ARHGEF6: variants seen among roughly 807,000 people sequenced by gnomAD.
ARHGEF6 encodes rho guanine nucleotide exchange factor 6.
ARHGEF6 carries 9 observed loss-of-function variants against 70.3 expected under a neutral mutation model. That is an observed-to-expected ratio of 0.13 (90% CI 0.08 to 0.22). The LOEUF (loss-of-function observed/expected upper bound fraction) is 0.22, where lower values mean the gene tolerates loss of function less well. ARHGEF6 is among the 10% of genes least tolerant of loss of function. ARHGEF6 has a pLI of 1.00. For missense variants in ARHGEF6, 470 were observed against 563.0 expected (o/e 0.83, Z 1.67); for synonymous variants, 201 against 207.8 (o/e 0.97, Z 0.28).
chrX:136,688,556 G>A (rs896584935), intron 10 of ARHGEF6, among the ~76,000 whole-genome samples: 8 of 110,336 alleles, frequency 7.3e-5, no homozygotes, highest in African/African-American at 2.6e-4. Flanking sequence ...CTACTTGGGA[G>A]GCTGAGCTGA....
intron 9 of ARHGEF6, among the ~76,000 whole-genome samples, chrX:136,705,871 C>A (rs2076621779): frequency 8.9e-6 from 1 of 112,379 alleles, no homozygotes; most frequent in Admixed American, 9.4e-5. Flanking sequence ...AGGACAAGAA[C>A]CAAAATTTCT....
At chrX:136,751,200 A>T (rs1482509577) in intron 2 of ARHGEF6, among the ~76,000 whole-genome samples, 1 of 111,897 alleles carries the variant, frequency 8.9e-6, no homozygotes, top group Non-Finnish European at 1.9e-5. Flanking sequence ...AATGACAGCA[A>T]AACCTATTTG....
At chrX:136,767,362 C>G (rs1203011591) in intron 2 of ARHGEF6, 1 of 755,106 alleles carries the variant, frequency 1.3e-6, no homozygotes, top group Non-Finnish European at 1.6e-6. Context: ...GGGCTAGGCT[C>G]GCCCCAGCGG....
chrX:136,671,988 A>G, intron 20 of ARHGEF6, 32 bp downstream of exon 20: 1 of 1,145,008 alleles, frequency 8.7e-7, no homozygotes, highest in Non-Finnish European at 1.2e-6. Context: ...GCCCCAAGAG[A>G]AACTAGGCAA....
At chrX:136,718,554 T>C (rs1320583541) in intron 6 of ARHGEF6, among the ~76,000 whole-genome samples, 1 of 111,966 alleles carries the variant, frequency 8.9e-6, no homozygotes, top group Non-Finnish European at 1.9e-5. Flanking sequence ...TCTGAAAGTA[T>C]ATTGATATAT....
intron 9 of ARHGEF6, among the ~76,000 whole-genome samples, chrX:136,694,910 C>T (rs1406858033): frequency 8.9e-6 from 1 of 111,787 alleles, no homozygotes; most frequent in Non-Finnish European, 1.9e-5. Context: ...GCATTTTTAA[C>T]AAGACAGCTG....
intron 3 of ARHGEF6, among the ~76,000 whole-genome samples, chrX:136,746,344 G>A (rs765446146): frequency 5.4e-5 from 6 of 112,113 alleles, no homozygotes; most frequent in Admixed American, 9.5e-5. Flanking sequence ...TCAGCTATAC[G>A]CCTTGCAATA....
rs755461298 is a variant in ARHGEF6 at position 136,714,577 on chromosome X, A to G, written c.733-1207T>C. Among the ~76,000 whole-genome samples the G allele has an allele frequency of 5.4e-5, 6 of 112,107 alleles. No homozygotes were observed. The East Asian group carries it at 1.7e-3, about 31-fold the overall frequency. On this transcript the variant is annotated intron_variant, in intron 6 of 21. Transcript: ENST00000250617. Reference sequence around the variant, plus strand: ...GCAGAGACATTAAACAGAGAGTTACAAGACAGAGTGAAGTGTCCTTAACTA... The same window carrying G: ...GCAGAGACATTAAACAGAGAGTTACGAGACAGAGTGAAGTGTCCTTAACTA...
chrX:136,724,341 G>A (rs1183864761), intron 6 of ARHGEF6, among the ~76,000 whole-genome samples: 1 of 111,414 alleles, frequency 9.0e-6, no homozygotes, highest in Non-Finnish European at 1.9e-5. Context: ...GCCTCCCAAA[G>A]TGCTAGAATT....
chrX:136,673,711 G>C (rs1326887995), intron 19 of ARHGEF6, among the ~76,000 whole-genome samples: 2 of 110,987 alleles, frequency 1.8e-5, no homozygotes, highest in African/African-American at 6.6e-5. Flanking sequence ...TGTTATCAGA[G>C]CTATGCATGC....
chrX:136,756,453 C>T (rs975780240), intron 2 of ARHGEF6, among the ~76,000 whole-genome samples: 3 of 111,572 alleles, frequency 2.7e-5, no homozygotes, highest in African/African-American at 6.5e-5. Context: ...ACTGCTTTTT[C>T]TGGAATTGGT....
chrX:136,685,632 A>C (rs895554404), intron 12 of ARHGEF6, 45 bp downstream of exon 12: 2 of 1,181,185 alleles, frequency 1.7e-6, no homozygotes, highest in Admixed American at 4.5e-5. Context: ...AGGAAGAAAA[A>C]TACGAAAGAT....
chrX:136,757,621 T>C (rs1179808111), intron 2 of ARHGEF6, among the ~76,000 whole-genome samples: 1 of 111,449 alleles, frequency 9.0e-6, no homozygotes, highest in African/African-American at 3.3e-5. Flanking sequence ...CTCCCTTCCA[T>C]GGTGTTTTCC....
In ARHGEF6 at chrX:136,706,903, T is replaced by C; in HGVS notation, c.1046+5A>G. 8.3e-7 allele frequency: 1 copy of C among 1,211,526 alleles called. No individual in the cohort carries two copies. Among genetic ancestry groups the C allele is most frequent in the Non-Finnish European group, 1.1e-6 (1 of 895,357 alleles). On this transcript the variant is annotated splice_donor_5th_base_variant and intron_variant, in intron 9 of 21. Coordinates refer to ENST00000250617, the MANE Select transcript of ARHGEF6 (RefSeq NM_004840.3). ...GCAAAAGTTGGGGAAATGTTAACTA[T>C]TTACCTGTGCTGAGTGAGCACATTT...
chrX:136,749,740 A>G (rs938396129), intron 2 of ARHGEF6, among the ~76,000 whole-genome samples: 2 of 111,726 alleles, frequency 1.8e-5, no homozygotes, highest in Non-Finnish European at 3.8e-5. Context: ...AAGTTTATCC[A>G]TGGACACTGT....
At chrX:136,720,278 T>C (rs1314224710) in intron 6 of ARHGEF6, among the ~76,000 whole-genome samples, 2 of 111,718 alleles carry the variant, frequency 1.8e-5, no homozygotes, top group South Asian at 3.7e-4. Flanking sequence ...ATAAAAAGAA[T>C]GCTACAACAC....
chrX:136,738,151 G>A (rs954086471), intron 5 of ARHGEF6, among the ~76,000 whole-genome samples: 5 of 110,700 alleles, frequency 4.5e-5, no homozygotes, highest in African/African-American at 1.6e-4. Flanking sequence ...GAATACTGAT[G>A]CTCTGCTATA....
intron 2 of ARHGEF6, among the ~76,000 whole-genome samples, chrX:136,776,058 AAC>A (rs2077401852): frequency 8.9e-6 from 1 of 112,065 alleles, no homozygotes; most frequent in African/African-American, 3.2e-5. Context: ...AACAAATGGA[AAC>A]ACATCCCATG....
chrX:136,694,443 AT>A (rs2076490856), intron 9 of ARHGEF6, among the ~76,000 whole-genome samples: 1 of 111,758 alleles, frequency 8.9e-6, no homozygotes, highest in Non-Finnish European at 1.9e-5. Context: ...TAGGCTCAGA[AT>A]TTTTTACGTG....
Sources: gnomAD v4.1 joint callset for allele counts (sites outside exome capture counted in the v4.1 genomes callset) on GRCh38, gnomAD v4.1.1 for gene constraint, MANE v1.5 for transcripts, NCBI Gene and HGNC (gene_info 2026-07-23, HGNC 2026-07-21) for gene names.